PLA2G6: variants seen among roughly 807,000 people sequenced by gnomAD.
PLA2G6 encodes 85/88 kDa calcium-independent phospholipase A2.
Under a neutral mutation model 83.8 loss-of-function variants are expected in PLA2G6, and 62 were observed. The observed-to-expected ratio is 0.74, with a 90% CI of 0.60 to 0.91. The LOEUF is 0.91. Among genes scored for constraint, PLA2G6 ranks in the 40% least tolerant of loss-of-function variants. The probability of loss-of-function intolerance (pLI) is 0.00; values close to 1 mark genes in which losing one functional copy is unlikely to be tolerated. For missense variants in PLA2G6, 944 were observed against 1,102.0 expected (o/e 0.86, Z 2.03); for synonymous variants, 417 against 449.8 (o/e 0.93, Z 0.92).
intron 1 of PLA2G6, among the ~76,000 whole-genome samples, chr22:38,181,309 G>C (rs1033542943): frequency 6.6e-6 from 1 of 152,298 alleles, no homozygotes; most frequent in South Asian, 2.1e-4. Flanking sequence ...CAGGGAGTGA[G>C]AAATGAGTAG....
intron 2 of PLA2G6, among the ~76,000 whole-genome samples, chr22:38,167,746 G>A (rs1431422296): frequency 1.3e-5 from 2 of 152,226 alleles, no homozygotes; most frequent in Non-Finnish European, 2.9e-5. Flanking sequence ...GCCAGGCTCT[G>A]AATTCTCACC....
chr22:38,118,700 G>A (rs2087348157), intron 12 of PLA2G6, among the ~76,000 whole-genome samples: 2 of 151,156 alleles, frequency 1.3e-5, no homozygotes, highest in African/African-American at 2.4e-5. Context: ...TCTTAATGGA[G>A]TAGAATTTAT....
chr22:38,114,245 A>G (rs1415546884), intron 14 of PLA2G6, among the ~76,000 whole-genome samples: 2 of 148,152 alleles, frequency 1.3e-5, no homozygotes, highest in South Asian at 2.1e-4. Context: ...CAGTGGCGCG[A>G]TCTCGGCTCA....
intron 1 of PLA2G6, among the ~76,000 whole-genome samples, chr22:38,177,556 G>A (rs558057078): frequency 3.3e-4 from 49 of 150,116 alleles, no homozygotes; most frequent in Non-Finnish European, 4.1e-4. Flanking sequence ...TCTGCCTCCC[G>A]GGTTCAAGCG....
intron 2 of PLA2G6, among the ~76,000 whole-genome samples, chr22:38,154,226 C>T (rs771908556): frequency 2.6e-5 from 4 of 152,218 alleles, no homozygotes; most frequent in African/African-American, 9.7e-5. Flanking sequence ...CACCTGCTGA[C>T]TGTAGAGCCC....
At position 38,115,526 on chromosome 22, in the gene PLA2G6, C is replaced by A. The variant is rs1316614474; in HGVS notation, c.2034+1G>T. ...CAGGCCCTCTGGCCTACGGCACTCA[C>A]CTTGCGGATCAGGTCCTGATTGTAC... On this transcript the variant is annotated splice_donor_variant, in intron 14 of 16. Coordinates refer to ENST00000332509, the MANE Select transcript of PLA2G6 (RefSeq NM_003560.4). LOFTEE classifies it high-confidence loss of function. The A allele has an allele frequency of 6.2e-7, 1 of 1,612,910 alleles. No homozygotes were observed.
At chr22:38,161,845 A>T (rs920779454) in intron 2 of PLA2G6, among the ~76,000 whole-genome samples, 1 of 152,168 alleles carries the variant, frequency 6.6e-6, no homozygotes, top group African/African-American at 2.4e-5. Context: ...AGGGGTGAAC[A>T]GAGAAATGCA....
At chr22:38,112,847 G>A (rs1184090125) in intron 15 of PLA2G6, 1 of 581,508 alleles carries the variant, frequency 1.7e-6, no homozygotes, top group Non-Finnish European at 3.1e-6. Flanking sequence ...TGAGTCGACA[G>A]GCCTCCATGT....
intron 2 of PLA2G6, chr22:38,149,915 AAAGAGTGAAACTCCATCTCT>A (rs1448804199): frequency 8.6e-5 from 13 of 151,320 alleles, no homozygotes; most frequent in South Asian, 2.1e-4. Flanking sequence ...AGCTTAGGCA[AAAGAGTGAAACTCCATCTCT>A]GATCACGCTA....
intron 16 of PLA2G6, 41 bp downstream of exon 16, chr22:38,112,463 C>T: frequency 6.5e-7 from 1 of 1,531,860 alleles, no homozygotes. Flanking sequence ...TCCGACCACG[C>T]CAGGGCACGG....
chr22:38,116,270 C>T (rs746899069), intron 12 of PLA2G6, 59 bp from the exon 13 acceptor site: 29 of 1,594,734 alleles, frequency 1.8e-5, no homozygotes, highest in Admixed American at 6.7e-5. Flanking sequence ...CTTTCCCTTT[C>T]CCCACAATTC....
chr22:38,134,742 A>G (rs1398016567), intron 6 of PLA2G6: 2 of 542,834 alleles, frequency 3.7e-6, no homozygotes, highest in Non-Finnish European at 6.6e-6. Context: ...ACTTCATCAC[A>G]TCGCCAAAGC....
At chr22:38,157,509 G>A (rs1463909303) in intron 2 of PLA2G6, among the ~76,000 whole-genome samples, 5 of 152,128 alleles carry the variant, frequency 3.3e-5, no homozygotes, top group Non-Finnish European at 7.3e-5. Flanking sequence ...TGGCTTCACT[G>A]CTTAATTTTA....
chr22:38,158,948 CA>C (rs2089901035), intron 2 of PLA2G6, among the ~76,000 whole-genome samples: 1 of 152,140 alleles, frequency 6.6e-6, no homozygotes, highest in Non-Finnish European at 1.5e-5. Flanking sequence ...CTTGTAATCC[CA>C]GCACTTTGGG....
intron 1 of PLA2G6, among the ~76,000 whole-genome samples, chr22:38,175,847 G>A (rs567212729): frequency 2.0e-5 from 3 of 152,288 alleles, no homozygotes; most frequent in East Asian, 1.9e-4. Context: ...CTGGCATGAT[G>A]TTCCTGACTC....
chr22:38,170,444 G>A (rs546425178), intron 1 of PLA2G6, among the ~76,000 whole-genome samples: 1 of 151,974 alleles, frequency 6.6e-6, no homozygotes, highest in East Asian at 1.9e-4. Context: ...AGGGGCAGGT[G>A]GGGGAGCCCC....
intron 2 of PLA2G6, among the ~76,000 whole-genome samples, chr22:38,161,939 T>C (rs2090028263): frequency 6.6e-6 from 1 of 152,178 alleles, no homozygotes; most frequent in Non-Finnish European, 1.5e-5. Context: ...GCAGGGTGGT[T>C]CATGCCTGTA....
At chr22:38,159,124 G>C (rs2089909116) in intron 2 of PLA2G6, among the ~76,000 whole-genome samples, 1 of 152,022 alleles carries the variant, frequency 6.6e-6, no homozygotes, top group South Asian at 2.1e-4. Context: ...GCCAAAAGTT[G>C]GTTCTTTGGA....
intron 7 of PLA2G6, chr22:38,130,327 G>GT (rs929265872): frequency 2.1e-4 from 32 of 154,914 alleles, no homozygotes; most frequent in Non-Finnish European, 3.1e-4. Context: ...GTTTTGTTTT[G>GT]TTTTTTTTGA....
Sources: gnomAD v4.1 joint callset for allele counts (sites outside exome capture counted in the v4.1 genomes callset) on GRCh38, gnomAD v4.1.1 for gene constraint, MANE v1.5 for transcripts, NCBI Gene and HGNC (gene_info 2026-07-23, HGNC 2026-07-21) for gene names.